Variants in OCA2 observed in about 807,000 individuals in gnomAD.
The protein encoded by OCA2 is OCA2 melanosomal transmembrane protein.
OCA2 carries 77 observed loss-of-function variants against 100.2 expected under a neutral mutation model. That is an observed-to-expected ratio of 0.77 (90% confidence interval 0.64 to 0.93). OCA2 has a LOEUF of 0.93. OCA2 is among the 40% of genes least tolerant of loss of function. The pLI is 0.00. For synonymous variants in OCA2, 432 were observed against 439.2 expected, an observed-to-expected ratio of 0.98 and a Z score of 0.21; for missense variants, 1,062 against 1,089.1, an observed-to-expected ratio of 0.98 and a Z score of 0.35.
chr15:27,816,667 A>G (rs914521182), intron 23 of OCA2, among the ~76,000 whole-genome samples: 5 of 151,924 alleles, frequency 3.3e-5, no homozygotes, highest in Admixed American at 2.6e-4. Flanking sequence ...CCTCCCTCTC[A>G]TATCCCTTCA....
chr15:27,814,214 T>TAA lies in OCA2; in HGVS notation c.2432+30743_2432+30744dup, dbSNP rs139647229. ...TCAATCCACAGTTTATTTTTTTAAT[T>TAA]AAAAAAAACAAGAAAAAACACAGAA... On this transcript the variant is annotated intron_variant, in intron 23 of 23. Coordinates refer to ENST00000354638, the MANE Select transcript of OCA2 (RefSeq NM_000275.3). Among the ~76,000 whole-genome samples, 32 of 151,552 alleles carry TAA rather than the reference T, an allele frequency of 2.1e-4. No individual in the cohort carries two copies. In the East Asian group the frequency reaches 2.2e-3, roughly 10 times the overall value.
intron 23 of OCA2, among the ~76,000 whole-genome samples, chr15:27,770,109 A>G (rs1015467313): frequency 2.0e-5 from 3 of 152,162 alleles, no homozygotes; most frequent in African/African-American, 7.2e-5. Flanking sequence ...ACCACCAAGC[A>G]TGGAAATACA....
At chr15:28,012,053 A>G (rs182245507) in intron 9 of OCA2, among the ~76,000 whole-genome samples, 50 of 152,324 alleles carry the variant, frequency 3.3e-4, no homozygotes, top group African/African-American at 1.1e-3. Flanking sequence ...AACAGTCTGT[A>G]TATCTATAAT....
At chr15:28,017,687 C>T (rs1046009382) in intron 7 of OCA2, among the ~76,000 whole-genome samples, 2 of 152,234 alleles carry the variant, frequency 1.3e-5, no homozygotes, top group Non-Finnish European at 2.9e-5. Flanking sequence ...TCTTCAGATG[C>T]TCCACTGCAG....
At chr15:27,982,771 G>C (rs2041210247) in intron 14 of OCA2, among the ~76,000 whole-genome samples, 1 of 152,144 alleles carries the variant, frequency 6.6e-6, no homozygotes, top group Non-Finnish European at 1.5e-5. Flanking sequence ...AATGATCAAA[G>C]AGTAGAGAAT....
chr15:27,883,684 G>C (rs1301180449), intron 19 of OCA2, among the ~76,000 whole-genome samples: 1 of 152,162 alleles, frequency 6.6e-6, no homozygotes, highest in Non-Finnish European at 1.5e-5. Flanking sequence ...ATGACCATCA[G>C]GTGTACCATG....
intron 23 of OCA2, among the ~76,000 whole-genome samples, chr15:27,802,790 C>T (rs575631592): frequency 6.6e-6 from 1 of 152,260 alleles, no homozygotes; most frequent in Non-Finnish European, 1.5e-5. Flanking sequence ...TCACAGACCT[C>T]AATGTAAAAC....
At chr15:27,955,489 G>A (rs117735333) in intron 16 of OCA2, among the ~76,000 whole-genome samples, 7,049 of 152,310 alleles carry the variant, frequency 0.046, 249 homozygotes, top group South Asian at 0.13. Flanking sequence ...GAAGCTTCAC[G>A]AAAACCCCGC....
intron 2 of OCA2, among the ~76,000 whole-genome samples, chr15:28,034,466 G>A (rs1049642100): frequency 6.6e-6 from 1 of 152,176 alleles, no homozygotes; most frequent in African/African-American, 2.4e-5. Flanking sequence ...CCAGTTCAAA[G>A]TAAGTTCTTA....
At chr15:28,047,723 T>G (rs1386777067) in intron 2 of OCA2, among the ~76,000 whole-genome samples, 1 of 152,212 alleles carries the variant, frequency 6.6e-6, no homozygotes, top group Admixed American at 6.5e-5. Context: ...GGATGCCTAC[T>G]TTCACTATTG....
At chr15:28,070,971 C>T (rs563090535) in intron 2 of OCA2, among the ~76,000 whole-genome samples, 297 of 145,320 alleles carry the variant, frequency 2.0e-3, no homozygotes, top group African/African-American at 7.5e-3. Context: ...GCAGCATGCT[C>T]GTTAAGAGTC....
At chr15:28,058,279 G>GT (rs1251739012) in intron 2 of OCA2, among the ~76,000 whole-genome samples, 1 of 152,228 alleles carries the variant, frequency 6.6e-6, no homozygotes, top group Non-Finnish European at 1.5e-5. Flanking sequence ...AAGGACGAAG[G>GT]CCAGGAGCTG....
intron 1 of OCA2, among the ~76,000 whole-genome samples, chr15:28,097,385 G>A (rs951275208): frequency 6.6e-6 from 1 of 152,250 alleles, no homozygotes; most frequent in African/African-American, 2.4e-5. Flanking sequence ...GCGGCCCCAA[G>A]GAGCTGAGGG....
chr15:28,062,115 C>A (rs1044968178), intron 2 of OCA2, among the ~76,000 whole-genome samples: 5 of 152,214 alleles, frequency 3.3e-5, no homozygotes, highest in African/African-American at 9.6e-5. Flanking sequence ...AATGGCAACT[C>A]CATGCTGAAC....
At chr15:27,935,446 G>A (rs1220410026) in intron 18 of OCA2, among the ~76,000 whole-genome samples, 1 of 152,110 alleles carries the variant, frequency 6.6e-6, no homozygotes, top group Non-Finnish European at 1.5e-5. Flanking sequence ...CTAAAGCCCT[G>A]GGCAACATGA....
chr15:27,921,646 G>A (rs2038863725), intron 19 of OCA2, among the ~76,000 whole-genome samples: 1 of 152,162 alleles, frequency 6.6e-6, no homozygotes, highest in Non-Finnish European at 1.5e-5. Context: ...ACTACTAACA[G>A]CCTACTATTG....
At chr15:27,782,452 G>A (rs896897424) in intron 23 of OCA2, among the ~76,000 whole-genome samples, 16 of 152,126 alleles carry the variant, frequency 1.1e-4, no homozygotes, top group Non-Finnish European at 2.2e-4. Context: ...TATTTTGTTG[G>A]CAAAATTGAA....
At chr15:27,902,202 A>G (rs1567082401) in intron 19 of OCA2, among the ~76,000 whole-genome samples, 1 of 144,162 alleles carries the variant, frequency 6.9e-6, no homozygotes, top group African/African-American at 2.9e-5. Flanking sequence ...CATGAAAAAA[A>G]AGTTGTTGTT....
chr15:27,846,366 C>G (rs1417345564), intron 22 of OCA2, among the ~76,000 whole-genome samples: 1 of 152,132 alleles, frequency 6.6e-6, no homozygotes, highest in Non-Finnish European at 1.5e-5. Flanking sequence ...AGGCCCTGCC[C>G]TGCTCAGCCC....
Sources: gnomAD v4.1 joint callset for allele counts (sites outside exome capture counted in the v4.1 genomes callset) on GRCh38, gnomAD v4.1.1 for gene constraint, MANE v1.5 for transcripts, NCBI Gene and HGNC (gene_info 2026-07-23, HGNC 2026-07-21) for gene names.